The following RBM12 variants were observed in gnomAD, a reference collection of about 807,000 sequenced individuals.
The protein encoded by RBM12 is RNA binding motif protein 12, also known as RNA-binding protein 12.
RBM12 carries 24 observed loss-of-function variants against 37.2 expected under a neutral mutation model. That is an observed-to-expected ratio of 0.65 (90% confidence interval 0.47 to 0.91). The LOEUF is 0.91. Among genes scored for constraint, RBM12 ranks in the 40% least tolerant of loss-of-function variants. The probability of loss-of-function intolerance (pLI) is 0.00; values close to 1 mark genes in which losing one functional copy is unlikely to be tolerated. For synonymous variants in RBM12, 420 were observed against 425.2 expected, an observed-to-expected ratio of 0.99 and a Z score of 0.15; for missense variants, 1,061 against 1,183.2, an observed-to-expected ratio of 0.90 and a Z score of 1.52.
chr20:35,652,818 A>AGGGCCG lies in RBM12; in HGVS notation c.2499_2504dup (p.Gly836_Pro837dup), dbSNP rs201181145. 0.079 allele frequency: 126,519 copies of AGGGCCG among 1,602,448 alleles called. 5,726 individuals are homozygous for AGGGCCG. The highest frequency in any genetic ancestry group is 0.091 in the Non-Finnish European group (106,971 of 1,174,024). On this transcript the variant is annotated inframe_insertion, in exon 3 of 3. Coordinates refer to ENST00000374114, the MANE Select transcript of RBM12 (RefSeq NM_006047.6). The stretch of plus-strand genomic sequence containing the variant: ...GGGGACCACCAATATGGATTGGGCC[A>AGGGCCG]GGGCCGGGGCCGGGGCCGGGGCCAG...
rs1568934853 is a variant in RBM12 at position 35,653,259 on chromosome 20, A to G, written c.2064T>C (p.Pro688=). ...PGSAITSAGL[P]GAGMPSAGIP... ...TTCCTGCACTGGGCATTCCCGCACC[A>G]GGCAGTCCTGCACTGGTTATTGCTG... Residue 688 remains proline, a synonymous_variant, in exon 3 of 3, where the codon CCT becomes CCC. Transcript: ENST00000374114. 6 of 1,613,202 alleles carry G rather than the reference A, an allele frequency of 3.7e-6. No homozygotes were observed. The highest frequency in any genetic ancestry group is 1.7e-4 in the Middle Eastern group (1 of 6,054).
rs754742272 is a variant in RBM12, at chr20:35,652,559, T to C, written c.2764A>G (p.Ile922Val). 7.4e-6 allele frequency: 12 copies of C among 1,614,012 alleles called. No individual in the cohort carries two copies. Among genetic ancestry groups the C allele is most frequent in the African/African-American group, 1.3e-5 (1 of 74,936 alleles). Residue 922 changes from isoleucine to valine, a missense_variant, in exon 3 of 3, where the codon ATA becomes GTA. Transcript: ENST00000374114. ...ACAAGTTTTACTTTTCTTGAACCTA[T>C]AGGCCTGTCATTTAAGTCAATGACA... is the stretch of plus-strand genomic sequence containing the variant. ...AAVIDLNDRP[I>V]GSRKVKLVLG
At chr20:35,656,392 A>G (rs2033897879) in intron 2 of RBM12, among the ~76,000 whole-genome samples, 1 of 152,330 alleles carries the variant, frequency 6.6e-6, no homozygotes, top group Admixed American at 6.5e-5. Context: ...TTTCAGTTCC[A>G]AAGGCTTCTA....
rs746928595 is a variant in RBM12, at chr20:35,658,798, CAA to C, written c.-23+130_-23+131del. The C allele has an allele frequency of 2.8e-3, 1,427 of 507,498 alleles. 6 individuals are homozygous for C. Among genetic ancestry groups the C allele is most frequent in the Non-Finnish European group, 4.0e-3 (1,163 of 293,786 alleles). 31.4% of individuals were successfully genotyped at this position (507,498 alleles called of 1,614,324 possible). The stretch of plus-strand genomic sequence containing the variant: ...CGTCTCAAAACAAAAAACAAGCAAA[CAA>C]AAACACACACACACACACACACACA... On this transcript the variant is annotated intron_variant, in intron 2 of 2. Coordinates refer to ENST00000374114, the MANE Select transcript of RBM12 (RefSeq NM_006047.6).
chr20:35,654,153 A>G lies in RBM12; in HGVS notation c.1170T>C (p.Thr390=). ...CAGAAGGTCCCATATTTTGCTTAAA[A>G]GTGATATGGCCTCCAGCAGCTACCC... ...RQWVAAGGHI[T]FKQNMGPSGQ... Residue 390 remains threonine, a synonymous_variant, in exon 3 of 3, where the codon ACT becomes ACC. Transcript: ENST00000374114. 6.2e-7 allele frequency: 1 copy of G among 1,614,250 alleles called. No homozygotes were observed.
intron 1 of RBM12, among the ~76,000 whole-genome samples, chr20:35,663,139 T>C (rs897950866): frequency 5.9e-5 from 9 of 152,224 alleles, no homozygotes; most frequent in African/African-American, 9.6e-5. Flanking sequence ...TCTTCCCAAC[T>C]TTTTATACTC....
At chr20:35,657,551 CT>C (rs2033971454) in intron 2 of RBM12, among the ~76,000 whole-genome samples, 1 of 152,040 alleles carries the variant, frequency 6.6e-6, no homozygotes, top group African/African-American at 2.4e-5. Flanking sequence ...AAACACAGGG[CT>C]AAAGTGACAT....
intron 1 of RBM12, among the ~76,000 whole-genome samples, chr20:35,660,593 G>A (rs1255038922): frequency 6.6e-6 from 1 of 152,110 alleles, no homozygotes; most frequent in Non-Finnish European, 1.5e-5. Context: ...AGGTCACAAA[G>A]GAAAATGTGA....
At chr20:35,660,419 T>C (rs1038091247) in intron 1 of RBM12, among the ~76,000 whole-genome samples, 2 of 152,186 alleles carry the variant, frequency 1.3e-5, no homozygotes, top group African/African-American at 4.8e-5. Context: ...GGTTTCATTA[T>C]GTTACCCAGG....
rs970917153 is a variant in RBM12 at position 35,650,271 on chromosome 20, A to G, written c.*2253T>C. 5 of 152,274 alleles carry G rather than the reference A, an allele frequency of 3.3e-5. No homozygotes were observed. The highest frequency in any genetic ancestry group is 1.2e-4 in the African/African-American group (5 of 41,468). 9.4% of individuals were successfully genotyped at this position (152,274 alleles called of 1,614,324 possible). On this transcript the variant is annotated 3_prime_UTR_variant, in exon 3 of 3. Transcript: ENST00000374114. ...TTTATTTAATTAGATGAACAATGAA[A>G]TCGTTTTCCTTTTCAGCATTTATCT...
chr20:35,660,184 G>A (rs1323388380), intron 1 of RBM12, among the ~76,000 whole-genome samples: 2 of 152,134 alleles, frequency 1.3e-5, no homozygotes, highest in Non-Finnish European at 2.9e-5. Context: ...TCTTTTACAT[G>A]TTGTAGAAAT....
intron 1 of RBM12, among the ~76,000 whole-genome samples, chr20:35,660,834 C>A (rs1286775323): frequency 6.6e-6 from 1 of 152,170 alleles, no homozygotes; most frequent in Non-Finnish European, 1.5e-5. Flanking sequence ...TCTTCCCTTG[C>A]AAACTCAAAA....
At position 35,650,618 on chromosome 20, in the gene RBM12, A is replaced by T. The variant is rs1293226323; in HGVS notation, c.*1906T>A. On this transcript the variant is annotated 3_prime_UTR_variant, in exon 3 of 3. Transcript: ENST00000374114. ...AGTATCTAGTGATCGGTCAAAGCAA[A>T]TCTGTATTCATGAATTATCAAAAGA... 1 of 152,612 alleles carries T rather than the reference A, an allele frequency of 6.6e-6. No individual in the cohort carries two copies. The highest frequency in any genetic ancestry group is 1.9e-4 in the East Asian group (1 of 5,206). 9.5% of individuals were successfully genotyped at this position (152,612 alleles called of 1,614,324 possible). A position where few individuals can be genotyped will look rare whatever the true frequency, so the allele number is the denominator to read the frequency against.
intron 2 of RBM12, among the ~76,000 whole-genome samples, 182 bp from the exon 3 acceptor site, chr20:35,655,526 T>C (rs898443618): frequency 1.3e-5 from 2 of 152,228 alleles, no homozygotes; most frequent in African/African-American, 4.8e-5. Flanking sequence ...ATGTAAAACG[T>C]AGACAATTTC....
Position 35,653,264 on chromosome 20 carries a change from G to C in RBM12, c.2059C>G (p.Leu687Val), listed in dbSNP as rs760829517. Residue 687 changes from leucine (L) to valine (V), a missense_variant, in exon 3 of 3, where the codon CTG becomes GTG. Physicochemically the swap from Leu to Val is conservative, Grantham distance 32. Around this residue, in one of 3 missense-constraint regions of RBM12, gnomAD observed 517 missense variants for 534.0 expected, o/e 0.97. Coordinates refer to ENST00000374114, the MANE Select transcript of RBM12 (RefSeq NM_006047.6). Reference protein sequence around the residue: ...LPGSAITSAGLPGAGMPSAGI... With the variant: ...LPGSAITSAGVPGAGMPSAGI... ...GCACTGGGCATTCCCGCACCAGGCA[G>C]TCCTGCACTGGTTATTGCTGAACCA... The C allele has an allele frequency of 2.5e-6, 4 of 1,613,254 alleles. No individual in the cohort carries two copies. The South Asian group carries it at 4.4e-5, about 18-fold the overall frequency.
intron 1 of RBM12, among the ~76,000 whole-genome samples, chr20:35,660,791 C>G (rs1022316981): frequency 5.3e-5 from 8 of 152,112 alleles, no homozygotes; most frequent in African/African-American, 1.9e-4. Flanking sequence ...AGGGCATATG[C>G]CTGAATATAA....
chr20:35,654,077 C>A lies in RBM12; in HGVS notation c.1246G>T (p.Gly416Trp). The change falls in exon 3 of 3, where the codon GGG (glycine) becomes TGG (tryptophan). Residue 416 changes from glycine (G) to tryptophan (W), a missense_variant. Gly to Trp is a radical substitution (Grantham distance 184). Around this residue, in one of 3 missense-constraint regions of RBM12, gnomAD observed 540 missense variants for 632.7 expected, o/e 0.85. Transcript: ENST00000374114. ...QTLPRSKSPSGQKRSRSRSPH... is the reference protein window; with the variant it reads ...QTLPRSKSPSWQKRSRSRSPH... ...GATCTTGACCTTGATCTTTTCTGCC[C>A]ACTGGGCGATTTTGACCTGGGAAGT... 1 of 1,614,172 alleles carries A rather than the reference C, an allele frequency of 6.2e-7. No individual in the cohort carries two copies.
At chr20:35,658,633 C>G (rs970603659) in intron 2 of RBM12, among the ~76,000 whole-genome samples, 1 of 151,744 alleles carries the variant, frequency 6.6e-6, no homozygotes, top group African/African-American at 2.4e-5. Context: ...TGGTGGCAGG[C>G]GCCTGTAATC....
chr20:35,661,956 G>T (rs770825154), intron 1 of RBM12, among the ~76,000 whole-genome samples: 7 of 151,960 alleles, frequency 4.6e-5, no homozygotes, highest in Non-Finnish European at 8.8e-5. Flanking sequence ...CAATCACAAC[G>T]GGCACAATGC....
Sources: allele counts gnomAD v4.1 joint callset (sites outside exome capture counted in the v4.1 genomes callset), GRCh38; gene constraint gnomAD v4.1.1; regional missense constraint gnomAD v4.1.1; transcripts MANE v1.5; gene names NCBI Gene and HGNC (gene_info 2026-07-23, HGNC 2026-07-21).